The following ADGRL3 variants were observed in gnomAD, a reference collection of about 807,000 sequenced individuals.
ADGRL3 encodes the protein adhesion G protein-coupled receptor L3.
A neutral mutation model predicts 153.5 loss-of-function variants in ADGRL3; 62 were observed. The ratio of observed to expected loss-of-function variants is 0.40; its 90% CI spans 0.33 to 0.50. The LOEUF (loss-of-function observed/expected upper bound fraction) is 0.50. ADGRL3 is among the 20% of genes least tolerant of loss of function. The pLI, the probability that ADGRL3 is intolerant of heterozygous loss-of-function variation, is 0.47. For synonymous variants in ADGRL3, 710 were observed against 672.5 expected (o/e 1.06, Z -0.86); for missense variants, 1,641 against 1,859.4 (o/e 0.88, Z 2.16).
intron 1 of ADGRL3, among the ~76,000 whole-genome samples, chr4:61,236,013 T>TTC (rs1553882999): frequency 7.1e-6 from 1 of 139,876 alleles, no homozygotes; most frequent in Non-Finnish European, 1.5e-5. Flanking sequence ...CTTTTCTTTT[T>TTC]TTTTTTTTTT....
intron 2 of ADGRL3, among the ~76,000 whole-genome samples, chr4:61,449,525 C>T (rs945452346): frequency 1.3e-5 from 2 of 151,930 alleles, no homozygotes; most frequent in African/African-American, 2.4e-5. Flanking sequence ...TTTAAAAGTA[C>T]TAATTGTGTC....
intron 8 of ADGRL3, among the ~76,000 whole-genome samples, chr4:61,784,318 G>GT (rs972273883): frequency 5.9e-5 from 9 of 152,052 alleles, no homozygotes; most frequent in African/African-American, 9.7e-5. Flanking sequence ...CTCTGCTTAG[G>GT]TTTTTTTATT....
At chr4:62,032,467 T>C (rs1009192551) in intron 23 of ADGRL3, among the ~76,000 whole-genome samples, 1 of 151,582 alleles carries the variant, frequency 6.6e-6, no homozygotes, top group Admixed American at 6.6e-5. Context: ...TAAAAACTTA[T>C]GTGACTTTCG....
At chr4:61,502,874 T>C (rs1021954240) in intron 3 of ADGRL3, among the ~76,000 whole-genome samples, 1 of 152,160 alleles carries the variant, frequency 6.6e-6, no homozygotes, top group Non-Finnish European at 1.5e-5. Context: ...CTTGGTTATT[T>C]TTAGAAATTA....
Position 62,077,393 on chromosome 4 carries a change from G to T in ADGRL3, c.*6485G>T, listed in dbSNP as rs1469994311. ...GACTACAAAATTTCTTGCTACATTG[G>T]CAAGGAAATATGTTTAAAGCCGAGA... On this transcript the variant is annotated 3_prime_UTR_variant, in exon 27 of 27. Transcript: ENST00000683033. 1 of 151,984 alleles carries T rather than the reference G, an allele frequency of 6.6e-6. No individual in the cohort carries two copies. Among genetic ancestry groups the T allele is most frequent in the Non-Finnish European group, 1.5e-5 (1 of 67,852 alleles). The allele number at this position is 151,984 out of a possible 1,614,324, so 9.4% of individuals were successfully genotyped here. A position where few individuals can be genotyped will look rare whatever the true frequency, so the allele number is the denominator to read the frequency against.
intron 9 of ADGRL3, among the ~76,000 whole-genome samples, chr4:61,870,598 C>T (rs1397569074): frequency 8.4e-6 from 1 of 118,366 alleles, no homozygotes; most frequent in Non-Finnish European, 1.8e-5. Flanking sequence ...ATCCTTACAA[C>T]TCCATAATAA....
chr4:61,456,414 TAG>T (rs1420295921), intron 2 of ADGRL3, among the ~76,000 whole-genome samples: 4 of 53,686 alleles, frequency 7.5e-5, no homozygotes, highest in East Asian at 7.4e-4. Context: ...TATATATATA[TAG>T]ATATATCTAT....
intron 2 of ADGRL3, among the ~76,000 whole-genome samples, chr4:61,454,733 G>C (rs959257615): frequency 6.6e-6 from 1 of 151,936 alleles, no homozygotes; most frequent in African/African-American, 2.4e-5. Context: ...ATTAACTTTT[G>C]TCTATGCAAG....
intron 2 of ADGRL3, among the ~76,000 whole-genome samples, chr4:61,456,379 ATATATATATAGATATATC>A (rs2097740789): frequency 8.8e-6 from 1 of 114,086 alleles, no homozygotes; most frequent in African/African-American, 3.4e-5. Context: ...ATATATCTAT[ATATATATATAGATATATC>A]TATATCTATA....
intron 2 of ADGRL3, among the ~76,000 whole-genome samples, chr4:61,480,037 A>G (rs1031895327): frequency 3.9e-5 from 6 of 152,140 alleles, no homozygotes; most frequent in Non-Finnish European, 7.4e-5. Context: ...ATTTGTGATA[A>G]CACTTAAGAT....
chr4:61,236,508 A>T (rs900221891), intron 1 of ADGRL3, among the ~76,000 whole-genome samples: 3 of 152,162 alleles, frequency 2.0e-5, no homozygotes, highest in Non-Finnish European at 4.4e-5. Flanking sequence ...TCTTTACTAC[A>T]TATGAATATT....
intron 3 of ADGRL3, among the ~76,000 whole-genome samples, chr4:61,506,173 C>T (rs1168292989): frequency 6.6e-6 from 1 of 151,838 alleles, no homozygotes; most frequent in African/African-American, 2.4e-5. Flanking sequence ...AGTAATTAGG[C>T]CTACTTTGTT....
At chr4:61,615,594 GTGTGTATGTT>G (rs1385769950) in intron 5 of ADGRL3, among the ~76,000 whole-genome samples, 1 of 151,510 alleles carries the variant, frequency 6.6e-6, no homozygotes, top group Non-Finnish European at 1.5e-5. Context: ...GTGTGTGTGT[GTGTGTATGTT>G]TGTGTATGTG....
rs956049097 is a variant in ADGRL3 at position 62,074,855 on chromosome 4, A to T, written c.*3947A>T. 1 of 152,166 alleles carries T rather than the reference A, an allele frequency of 6.6e-6. No homozygotes were observed. The highest frequency in any genetic ancestry group is 1.5e-5 in the Non-Finnish European group (1 of 68,020). The allele number at this position is 152,166 out of a possible 1,614,324, so 9.4% of individuals were successfully genotyped here. A position where few individuals can be genotyped will look rare whatever the true frequency, so the allele number is the denominator to read the frequency against. On this transcript the variant is annotated 3_prime_UTR_variant, in exon 27 of 27. Coordinates refer to ENST00000683033, the MANE Select transcript of ADGRL3 (RefSeq NM_001387552.1). The stretch of plus-strand genomic sequence containing the variant: ...AGTATTAACTTAATTGGTATGACAA[A>T]ACTTTTCATAATAGATATAAGCATA...
At chr4:61,226,720 G>T (rs777996144) in intron 1 of ADGRL3, among the ~76,000 whole-genome samples, 1 of 152,112 alleles carries the variant, frequency 6.6e-6, no homozygotes, top group Non-Finnish European at 1.5e-5. Context: ...AAGAATACCT[G>T]AAGGGTAGCT....
chr4:61,616,164 A>C (rs2149760420), intron 5 of ADGRL3, among the ~76,000 whole-genome samples: 1 of 152,304 alleles, frequency 6.6e-6, no homozygotes, highest in East Asian at 1.9e-4. Context: ...AAGTTATTTG[A>C]TAGAAATAAC....
intron 3 of ADGRL3, among the ~76,000 whole-genome samples, chr4:61,507,079 G>A (rs910798957): frequency 3.3e-5 from 5 of 152,118 alleles, no homozygotes; most frequent in African/African-American, 1.2e-4. Flanking sequence ...CTTTAGTAGA[G>A]CTCTCCATAC....
In ADGRL3 at chr4:61,441,829, T is replaced by C. The variant is rs1486119273; in HGVS notation, c.-173-55292T>C. 7.9e-5 allele frequency among the ~76,000 whole-genome samples: 12 copies of C among 152,320 alleles called. No homozygotes were observed. In the East Asian group the frequency reaches 2.1e-3, roughly 27 times the overall value. On this transcript the variant is annotated intron_variant, in intron 2 of 26. Coordinates refer to ENST00000683033, the MANE Select transcript of ADGRL3 (RefSeq NM_001387552.1). ...TCTAGTATCACCACTTTTGACTAGA[T>C]AATATGGTTCGAGATGATGTTCATA...
chr4:61,936,096 T>TC, intron 15 of ADGRL3, 51 bp downstream of exon 15: 1 of 1,595,540 alleles, frequency 6.3e-7, no homozygotes, highest in Non-Finnish European at 8.5e-7. Context: ...TTGCATCAGT[T>TC]CATTTCTTTT....
Sources: allele counts gnomAD v4.1 joint callset (sites outside exome capture counted in the v4.1 genomes callset), GRCh38; gene constraint gnomAD v4.1.1; transcripts MANE v1.5; gene names NCBI Gene and HGNC (gene_info 2026-07-23, HGNC 2026-07-21).